The following CFAP92 variants were observed in gnomAD, a reference collection of about 807,000 sequenced individuals.
The protein encoded by CFAP92 is cilia and flagella associated protein 92 (putative).
CFAP92 carries 86 observed loss-of-function variants against 106.3 expected under a neutral mutation model. The observed-to-expected ratio is 0.81, with a 90% CI of 0.68 to 0.97. The LOEUF is 0.97. Among genes scored for constraint, CFAP92 ranks in the 50% least tolerant of loss-of-function variants. CFAP92 has a pLI of 0.00. For missense variants in CFAP92, 1,204 were observed against 1,283.8 expected (o/e 0.94, Z 0.95); for synonymous variants, 477 against 506.4 (o/e 0.94, Z 0.78).
At chr3:129,025,477 C>T in the CFAP92 span, among the ~76,000 whole-genome samples, 13 of 152,260 alleles carry the variant, frequency 8.5e-5, 1 homozygote, top group South Asian at 1.5e-3. Flanking sequence ...AGCCCAGTGC[C>T]GTGGGTGATG....
intron 9 of CFAP92, among the ~76,000 whole-genome samples, chr3:128,953,585 C>G (rs976738233): frequency 8.6e-6 from 1 of 116,098 alleles, no homozygotes; most frequent in African/African-American, 5.5e-5. Flanking sequence ...CTCCCTCTCC[C>G]TCTCCCTCTC....
intron 12 of CFAP92, among the ~76,000 whole-genome samples, chr3:128,922,912 G>C (rs1035455448): frequency 2.0e-5 from 3 of 152,172 alleles, no homozygotes; most frequent in African/African-American, 7.2e-5. Context: ...TTGCTATACT[G>C]TTGCACAAGA....
rs758462207 is a variant in CFAP92, at chr3:128,915,147, GA to G, written c.3251del (p.Leu1084ProfsTer9). ...TTACAGGCTTTGGTGCGGGCGAAGG[GA>G]GCAGCTCGAGGAAAGGTGGTGGTTT... ...YKKPPPFLEL[L>X]PSPAPKPVTV... On this transcript the variant is annotated frameshift_variant, in exon 15 of 16. Coordinates refer to ENST00000645291, the MANE Select transcript of CFAP92 (RefSeq NM_001394090.1). LOFTEE classifies it low-confidence loss of function (END_TRUNC). 3.3e-6 allele frequency: 5 copies of G among 1,535,986 alleles called. No individual in the cohort carries two copies. In the African/African-American group the frequency reaches 6.8e-5, roughly 21 times the overall value.
chr3:129,006,428 T>C (rs895119051), upstream of CFAP92, among the ~76,000 whole-genome samples: 5 of 152,234 alleles, frequency 3.3e-5, no homozygotes, highest in African/African-American at 1.2e-4. Context: ...AAGATTCTCC[T>C]GCCTCAGCCT....
chr3:128,913,678 A>G (rs2107674691), intron 15 of CFAP92, among the ~76,000 whole-genome samples: 1 of 152,212 alleles, frequency 6.6e-6, no homozygotes, highest in South Asian at 2.1e-4. Flanking sequence ...TGGAGAGCTG[A>G]GCTGGCTGAG....
intron 1 of CFAP92, chr3:129,002,207 C>T (rs1200732343): frequency 2.0e-6 from 3 of 1,515,892 alleles, no homozygotes; most frequent in African/African-American, 2.9e-5. Context: ...GCCCCGACAG[C>T]GGTCCTGACT....
At chr3:129,025,245 G>C in the CFAP92 span, among the ~76,000 whole-genome samples, 1 of 152,208 alleles carries the variant, frequency 6.6e-6, no homozygotes, top group African/African-American at 2.4e-5. Context: ...ACACTGAGGA[G>C]AGAAGAGGTC....
intron 9 of CFAP92, among the ~76,000 whole-genome samples, chr3:128,957,591 C>T (rs934227183): frequency 3.9e-5 from 6 of 152,112 alleles, no homozygotes; most frequent in South Asian, 2.1e-4. Flanking sequence ...AACAAAAAAA[C>T]AGAAGGAACA....
chr3:128,953,737 T>A (rs1316095726), intron 9 of CFAP92, among the ~76,000 whole-genome samples: 1 of 125,198 alleles, frequency 8.0e-6, no homozygotes. Flanking sequence ...TGCCTCAGCC[T>A]GCCGAGTGCC....
chr3:128,969,399 C>A (rs1942614881), intron 8 of CFAP92: 1 of 152,052 alleles, frequency 6.6e-6, no homozygotes, highest in Non-Finnish European at 1.5e-5. Context: ...TTGTGAAACC[C>A]CATCTCTACA....
In CFAP92 at chr3:128,978,197, G is replaced by T. The variant is rs146051375; in HGVS notation, c.668-12C>A. 6 of 1,609,256 alleles carry T rather than the reference G, an allele frequency of 3.7e-6. No individual in the cohort carries two copies. In the African/African-American group the frequency reaches 8.0e-5, roughly 22 times the overall value. On this transcript the variant is annotated splice_polypyrimidine_tract_variant and intron_variant, in intron 4 of 15. Coordinates refer to ENST00000645291, the MANE Select transcript of CFAP92 (RefSeq NM_001394090.1). The stretch of plus-strand genomic sequence containing the variant: ...CAAATGTCTCACTTCTAGAATGCAG[G>T]AGAAGAAAGGATCATTGACTCAATC...
chr3:128,910,454 C>T (rs1178592526), intron 15 of CFAP92, 121 bp from the exon 16 acceptor site: 3 of 947,966 alleles, frequency 3.2e-6, no homozygotes, highest in Admixed American at 2.6e-5. Flanking sequence ...CTCTGAGGAC[C>T]CACTGTATAC....
chr3:128,911,418 G>C (rs1213649604), intron 15 of CFAP92, among the ~76,000 whole-genome samples: 1 of 152,000 alleles, frequency 6.6e-6, no homozygotes, highest in African/African-American at 2.4e-5. Context: ...CCTGGCATCT[G>C]CCCAGCATGC....
intron 2 of CFAP92, among the ~76,000 whole-genome samples, chr3:128,989,744 T>G (rs1232398907): frequency 6.6e-6 from 1 of 152,242 alleles, no homozygotes; most frequent in Non-Finnish European, 1.5e-5. Context: ...AGTCTAAATT[T>G]TTAACCCCAG....
intron 7 of CFAP92, among the ~76,000 whole-genome samples, chr3:128,974,886 C>T (rs945788545): frequency 3.3e-5 from 5 of 150,872 alleles, no homozygotes; most frequent in Admixed American, 6.6e-5. Context: ...TTTGGGAGGC[C>T]GAGGCGGGCA....
rs946849937 is a variant in CFAP92 at position 128,932,942 on chromosome 3, G to A, written c.2509C>T (p.Leu837=). 1 of 1,535,998 alleles carries A rather than the reference G, an allele frequency of 6.5e-7. No homozygotes were observed. The highest frequency in any genetic ancestry group is 1.4e-5 in the African/African-American group (1 of 73,034). ...TTLWDVTVRD[L]LPSSAMIKDL... ...TTTATCATAGCAGAGGAGGGCAGCAGGTCCCTCACCGTCACGTCCCAGAGG... is the reference window on the plus strand; with the variant it reads ...TTTATCATAGCAGAGGAGGGCAGCAAGTCCCTCACCGTCACGTCCCAGAGG... The change falls in exon 12 of 16, where the codon CTG becomes TTG. Residue 837 remains leucine (L), a synonymous_variant. Transcript: ENST00000645291.
the CFAP92 span, among the ~76,000 whole-genome samples, chr3:129,019,764 C>CTTTTTTTTTTTTTTTTTTTTT: frequency 9.3e-6 from 1 of 107,424 alleles, no homozygotes; most frequent in East Asian, 3.0e-4. Context: ...ATTAAATTTA[C>CTTTTTTTTTTTTTTTTTTTTT]TTTTTTTTTT....
the CFAP92 span, among the ~76,000 whole-genome samples, chr3:129,010,560 A>T: frequency 2.0e-5 from 3 of 152,072 alleles, no homozygotes; most frequent in South Asian, 6.2e-4. The surrounding 1 kb of genome is among the most constrained non-coding windows in gnomAD (Gnocchi z 4.3). Flanking sequence ...GCCACCGTGG[A>T]GGGGACACAA....
chr3:128,965,393 G>A (rs145368422), intron 9 of CFAP92, 118 bp downstream of exon 9: 28 of 397,160 alleles, frequency 7.1e-5, no homozygotes, highest in Middle Eastern at 6.3e-4. Context: ...ACACGGACCC[G>A]TATGAGAATG....
Sources: allele counts gnomAD v4.1 joint callset (sites outside exome capture counted in the v4.1 genomes callset), GRCh38; gene constraint gnomAD v4.1.1; non-coding constraint Gnocchi (gnomAD v3.1); transcripts MANE v1.5; gene names NCBI Gene and HGNC (gene_info 2026-07-23, HGNC 2026-07-21).